The following PTCH2 variants were observed in gnomAD, a reference collection of about 807,000 sequenced individuals.
PTCH2 encodes protein patched homolog 2.
A neutral mutation model predicts 117.9 loss-of-function variants in PTCH2; 96 were observed. That is an observed-to-expected ratio of 0.81 (90% confidence interval 0.69 to 0.96). PTCH2 has a LOEUF of 0.96. PTCH2 is among the 50% of genes least tolerant of loss of function. The pLI is 0.00. For synonymous variants in PTCH2, 615 were observed against 660.9 expected (o/e 0.93, Z 1.06); for missense variants, 1,379 against 1,562.5 (o/e 0.88, Z 1.98).
chr1:44,828,329 C>G lies in PTCH2; in HGVS notation c.1676G>C (p.Cys559Ser), dbSNP rs775105686. Residue 559 changes from cysteine (C) to serine (S), a missense_variant, in exon 13 of 22, where the codon TGC becomes TCC. Cys to Ser is a moderately radical substitution (Grantham distance 112). Coordinates refer to ENST00000372192, the MANE Select transcript of PTCH2 (RefSeq NM_003738.5). ...GCAGCAGAGCACATCAAGGCGCTGG[C>G]AGTGGCGCCGCCGTAGGTCCAGGCT... Reference protein sequence around the residue: ...ILSLDLRRRHCQRLDVLCCFS... With the variant: ...ILSLDLRRRHSQRLDVLCCFS... The G allele has an allele frequency of 3.1e-6, 5 of 1,614,056 alleles. No individual in the cohort carries two copies. Among genetic ancestry groups the G allele is most frequent in the Non-Finnish European group, 3.4e-6 (4 of 1,179,926 alleles).
In PTCH2 at chr1:44,823,681, G is replaced by C. The variant is rs954031927; in HGVS notation, c.3115-296C>G. 3.0e-4 allele frequency among the ~76,000 whole-genome samples: 46 copies of C among 152,250 alleles called. No homozygotes were observed. The highest frequency in any genetic ancestry group is 1.1e-3 in the African/African-American group (45 of 41,526). ...AGCCCGGGCACGGTGGCTCATGCCTGTAATCCCAGCACTTTGGGAGGCTGA... is the reference window on the plus strand; with the variant it reads ...AGCCCGGGCACGGTGGCTCATGCCTCTAATCCCAGCACTTTGGGAGGCTGA... On this transcript the variant is annotated intron_variant, in intron 19 of 21. Coordinates refer to ENST00000372192, the MANE Select transcript of PTCH2 (RefSeq NM_003738.5). This position sits in a 1 kb window ranked among gnomAD's most constrained non-coding sequence, Gnocchi z 5.1.
At chr1:44,825,192 A>G (rs537438818) in intron 19 of PTCH2, among the ~76,000 whole-genome samples, 3 of 151,982 alleles carry the variant, frequency 2.0e-5, no homozygotes, top group East Asian at 3.9e-4. Context: ...GCTGGAGTGC[A>G]GTGGCATGGT....
intron 2 of PTCH2, among the ~76,000 whole-genome samples, chr1:44,840,277 A>AT (rs1390498752): frequency 6.6e-6 from 1 of 151,210 alleles, no homozygotes; most frequent in Non-Finnish European, 1.5e-5. Flanking sequence ...TAATTTTTGT[A>AT]TTTTTAGTAG....
chr1:44,825,353 G>T (rs928419094), intron 19 of PTCH2, among the ~76,000 whole-genome samples: 2 of 151,780 alleles, frequency 1.3e-5, no homozygotes, highest in South Asian at 2.1e-4. Context: ...GGCCAGGCTG[G>T]TCTTGAACTC....
At chr1:44,842,806 C>G in intron 1 of PTCH2, 55 bp downstream of exon 1, 3 of 1,488,628 alleles carry the variant, frequency 2.0e-6, no homozygotes, top group Non-Finnish European at 2.8e-6. Context: ...TGCAGAGGCC[C>G]GAGTGACAGA....
chr1:44,840,069 CAGCCCTCAGGAAAGAAGAG>C (rs376929617), intron 2 of PTCH2, among the ~76,000 whole-genome samples: 1,842 of 151,646 alleles, frequency 0.012, 41 homozygotes, highest in African/African-American at 0.043. Flanking sequence ...CATATGAAAC[CAGCCCTCAGGAAAGAAGAG>C]AGTCATGCTG....
In PTCH2 at chr1:44,831,689, C is replaced by G. The variant is rs967177359; in HGVS notation, c.617+17G>C. On this transcript the variant is annotated intron_variant, in intron 5 of 21. Coordinates refer to ENST00000372192, the MANE Select transcript of PTCH2 (RefSeq NM_003738.5). The surrounding 1 kb of genome is among the most constrained non-coding windows in gnomAD (Gnocchi z 4.3). ...CCCCAGCGGGAGATGAAGCAGGGCC[C>G]CAGGAGTGGCACTCACGGCAGGTAG... is the stretch of plus-strand genomic sequence containing the variant. 6.5e-7 allele frequency: 1 copy of G among 1,547,990 alleles called. No individual in the cohort carries two copies. The highest frequency in any genetic ancestry group is 1.4e-5 in the African/African-American group (1 of 72,948).
At chr1:44,829,838 G>C (rs1186981315) in intron 7 of PTCH2, 71 bp downstream of exon 7, 5 of 1,613,866 alleles carry the variant, frequency 3.1e-6, no homozygotes, top group Admixed American at 1.7e-5. Flanking sequence ...CCTTTTGCCA[G>C]AGCTGCCTGG....
downstream of PTCH2, chr1:44,820,691 A>G: frequency 1.4e-6 from 1 of 718,162 alleles, no homozygotes; most frequent in South Asian, 1.5e-5. Flanking sequence ...GGCAGAGGCT[A>G]GATCTCCTCG....
chr1:44,829,066 G>A lies in PTCH2; in HGVS notation c.1380C>T (p.Pro460=), dbSNP rs752485443. The A allele has an allele frequency of 2.8e-5, 45 of 1,610,950 alleles. No homozygotes were observed. The highest frequency in any genetic ancestry group is 3.7e-5 in the Non-Finnish European group (44 of 1,178,700). Residue 460 remains proline, a synonymous_variant, in exon 11 of 22, where the codon CCC becomes CCT. Transcript: ENST00000372192. ...CCACGCCGATTCCCAGAGCCAAGAAGGGCAGCACCTGGAGGGGCAGAGGAG... is the reference window on the plus strand; with the variant it reads ...CCACGCCGATTCCCAGAGCCAAGAAAGGCAGCACCTGGAGGGGCAGAGGAG... ...TFNAATTQVL[P]FLALGIGVDD... is the part of the protein sequence containing the mutation.
rs745450202 is a variant in PTCH2, at chr1:44,823,113, C to T, written c.3313G>A (p.Val1105Met). The change falls in exon 21 of 22, where the codon GTG (valine) becomes ATG (methionine). Residue 1105 changes from valine to methionine, a missense_variant. Transcript: ENST00000372192. This position sits in a 1 kb window ranked among gnomAD's most constrained non-coding sequence, Gnocchi z 5.1. ...LTLLGLLHGL[V>M]LLPVLLSILG... ...ATGGACAGCAGCACAGGCAGCAGCA[C>T]GAGTCCATGGAGGAGGCCCAGGAGC... The T allele has an allele frequency of 1.4e-5, 22 of 1,613,788 alleles. No homozygotes were observed. The highest frequency in any genetic ancestry group is 1.7e-5 in the Non-Finnish European group (20 of 1,179,984).
At chr1:44,842,711 C>G (rs1178548562) in intron 1 of PTCH2, 150 bp downstream of exon 1, 1 of 766,082 alleles carries the variant, frequency 1.3e-6, no homozygotes, top group Non-Finnish European at 2.2e-6. Context: ...CACACCGACA[C>G]ACACGCACAA....
In PTCH2 at chr1:44,842,950, G is replaced by A. The variant is rs747819721; in HGVS notation, c.-18C>T. 70 of 1,530,482 alleles carry A rather than the reference G, an allele frequency of 4.6e-5. 2 individuals are homozygous for A. The South Asian group carries it at 8.1e-4, about 18-fold the overall frequency. 94.8% of individuals were successfully genotyped at this position (1,530,482 alleles called of 1,614,324 possible). ...CGAGTCATGCTGGCGGGGATGGGGG[G>A]CGCGGGCGCCCCCAACCCGCGTTAT... On this transcript the variant is annotated 5_prime_UTR_variant, in exon 1 of 22. Coordinates refer to ENST00000372192, the MANE Select transcript of PTCH2 (RefSeq NM_003738.5).
At position 44,827,002 on chromosome 1, in the gene PTCH2, G is replaced by A. The variant is rs1201476981; in HGVS notation, c.2595C>T (p.Ser865=). The part of the protein sequence containing the change: ...LFYMGLTVWV[S]SDPLGLAASQ... Reference sequence around the variant, plus strand: ...AGGCTGCCAGACCCAGGGGGTCACTGCTCACCCACACGGTCAGCCCCATGT... The same window carrying A: ...AGGCTGCCAGACCCAGGGGGTCACTACTCACCCACACGGTCAGCCCCATGT... Residue 865 remains serine, a synonymous_variant, in exon 17 of 22, where the codon AGC becomes AGT. Coordinates refer to ENST00000372192, the MANE Select transcript of PTCH2 (RefSeq NM_003738.5). 6.2e-7 allele frequency: 1 copy of A among 1,614,084 alleles called. No homozygotes were observed. Among genetic ancestry groups the A allele is most frequent in the Admixed American group, 1.7e-5 (1 of 60,024 alleles).
In PTCH2 at chr1:44,830,944, G is replaced by A; in HGVS notation, c.717C>T (p.Asp239=). 6.2e-7 allele frequency: 1 copy of A among 1,608,946 alleles called. No individual in the cohort carries two copies. The highest frequency in any genetic ancestry group is 8.5e-7 in the Non-Finnish European group (1 of 1,176,294). Residue 239 remains aspartate (D), a synonymous_variant, in exon 6 of 22, where the codon GAC becomes GAT. Coordinates refer to ENST00000372192, the MANE Select transcript of PTCH2 (RefSeq NM_003738.5). ...CGTAGGCCTGGCCCACCTGTGCCTT[G>A]TCTAGCAGCTCCCGGAAGCCCTCAA... ...ASLEGFRELL[D]KAQVGQAYVG...
chr1:44,827,740 A>G, intron 14 of PTCH2, 26 bp from the exon 15 acceptor site: 1 of 1,610,990 alleles, frequency 6.2e-7, no homozygotes, highest in Non-Finnish European at 8.5e-7. Context: ...ACTAAGCTGG[A>G]GACCCCAGGG....
chr1:44,828,059 GACC>G lies in PTCH2; in HGVS notation c.1839_1841del (p.Val614del), dbSNP rs1333052140. 6.2e-7 allele frequency: 1 copy of G among 1,614,162 alleles called. No individual in the cohort carries two copies. Among genetic ancestry groups the G allele is most frequent in the South Asian group, 1.1e-5 (1 of 91,080 alleles). On this transcript the variant is annotated inframe_deletion, in exon 14 of 22. Coordinates refer to ENST00000372192, the MANE Select transcript of PTCH2 (RefSeq NM_003738.5). The stretch of plus-strand genomic sequence containing the variant: ...GGTGGGCTTGGGGAGGCAGGATGGT[GACC>G]ACATGCTGGCTGCTGGCTTCACAGT...
chr1:44,822,085 C>T lies in PTCH2; in HGVS notation c.*330G>A. On this transcript the variant is annotated 3_prime_UTR_variant, in exon 22 of 22. Coordinates refer to ENST00000372192, the MANE Select transcript of PTCH2 (RefSeq NM_003738.5). Reference sequence around the variant, plus strand: ...GGATATGGAGAGCCTGCCCAGGAGTCACCAGACGGAAGGGTGCTGGAGGGT... The same window carrying T: ...GGATATGGAGAGCCTGCCCAGGAGTTACCAGACGGAAGGGTGCTGGAGGGT... 1.5e-6 allele frequency: 2 copies of T among 1,371,662 alleles called. No individual in the cohort carries two copies. The highest frequency in any genetic ancestry group is 3.0e-5 in the East Asian group (1 of 32,902). The allele number at this position is 1,371,662 out of a possible 1,614,324, so 85.0% of individuals were successfully genotyped here.
Position 44,823,547 on chromosome 1 carries a change from T to C in PTCH2, c.3115-162A>G, listed in dbSNP as rs552780266. ...CTGTACAGGGAGCATGCGTGAGTCC[T>C]TTTAGGTAACACTGTATGGATGGGT... On this transcript the variant is annotated intron_variant, in intron 19 of 21. Transcript: ENST00000372192. The surrounding 1 kb of genome is among the most constrained non-coding windows in gnomAD (Gnocchi z 5.1). Among the ~76,000 whole-genome samples, 4 of 152,294 alleles carry C rather than the reference T, an allele frequency of 2.6e-5. No individual in the cohort carries two copies. The South Asian group carries it at 8.3e-4, about 32-fold the overall frequency.
Sources: gnomAD v4.1 joint callset for allele counts (sites outside exome capture counted in the v4.1 genomes callset) on GRCh38, gnomAD v4.1.1 for gene constraint, Gnocchi (gnomAD v3.1) non-coding constraint, MANE v1.5 for transcripts, NCBI Gene and HGNC (gene_info 2026-07-23, HGNC 2026-07-21) for gene names.